Variants in DZIP1 observed in about 807,000 individuals in gnomAD.
DZIP1 encodes the protein cilium assembly protein DZIP1.
In DZIP1, 97 loss-of-function variants were observed where a neutral mutation model predicts 107.6. That is an observed-to-expected ratio of 0.90 (90% CI 0.77 to 1.07). The LOEUF is 1.07. Among genes scored for constraint, DZIP1 ranks in the 50% least tolerant of loss-of-function variants. The pLI, the probability that DZIP1 is intolerant of heterozygous loss-of-function variation, is 0.00. For synonymous variants in DZIP1, 390 were observed against 386.4 expected (o/e 1.01, Z -0.11); for missense variants, 1,035 against 1,063.6 (o/e 0.97, Z 0.37).
At chr13:95,586,482 G>C (rs1369133677) in intron 20 of DZIP1, among the ~76,000 whole-genome samples, 1 of 152,124 alleles carries the variant, frequency 6.6e-6, no homozygotes, top group Non-Finnish European at 1.5e-5. Flanking sequence ...TTACAGGTGA[G>C]AGCGACTGTG....
intron 13 of DZIP1, among the ~76,000 whole-genome samples, chr13:95,608,088 T>C (rs1316964564): frequency 6.6e-6 from 1 of 152,170 alleles, no homozygotes; most frequent in Non-Finnish European, 1.5e-5. Flanking sequence ...TCCTTTTGTA[T>C]GCTGGGAAGA....
intron 8 of DZIP1, 129 bp from the exon 9 acceptor site, chr13:95,622,609 G>A (rs1251752634): frequency 1.1e-5 from 11 of 995,544 alleles, no homozygotes; most frequent in Non-Finnish European, 1.7e-5. Context: ...GGACGCTCTT[G>A]GACGCTTCTC....
Position 95,582,039 on chromosome 13 carries a change from C to T in DZIP1, c.*195G>A, listed in dbSNP as rs1037890561. The T allele has an allele frequency of 9.2e-5, 49 of 535,126 alleles. No homozygotes were observed. The highest frequency in any genetic ancestry group is 4.8e-4 in the East Asian group (16 of 33,570). The allele number at this position is 535,126 out of a possible 1,614,324, so 33.1% of individuals were successfully genotyped here. On this transcript the variant is annotated 3_prime_UTR_variant, in exon 23 of 23. Coordinates refer to ENST00000376829, the MANE Select transcript of DZIP1 (RefSeq NM_198968.4). ...AAGTCTTAAACACCTTTACATGCTT[C>T]GAAATACTGTTGATGATCTGATTTT... is the stretch of plus-strand genomic sequence containing the variant.
chr13:95,607,871 G>A (rs895530305), intron 13 of DZIP1, among the ~76,000 whole-genome samples: 2 of 152,208 alleles, frequency 1.3e-5, no homozygotes, highest in Non-Finnish European at 2.9e-5. Flanking sequence ...GGTATAGACA[G>A]GTGGAATCAA....
intron 15 of DZIP1, among the ~76,000 whole-genome samples, chr13:95,597,144 G>A (rs2044478345): frequency 6.6e-6 from 1 of 152,196 alleles, no homozygotes; most frequent in Non-Finnish European, 1.5e-5. Context: ...TTGACTGGAA[G>A]AACTCTAAAA....
chr13:95,582,918 A>G (rs1290833282), intron 22 of DZIP1, among the ~76,000 whole-genome samples: 1 of 152,198 alleles, frequency 6.6e-6, no homozygotes, highest in Non-Finnish European at 1.5e-5. Context: ...CCCTGTAAAG[A>G]GTCACTCTAA....
intron 21 of DZIP1, among the ~76,000 whole-genome samples, chr13:95,585,116 G>C (rs1037213014): frequency 6.6e-6 from 1 of 152,022 alleles, no homozygotes; most frequent in Non-Finnish European, 1.5e-5. Context: ...TCTCTTTTTC[G>C]TTTCTGCCAT....
At chr13:95,628,639 A>G (rs1440151030) in intron 7 of DZIP1, among the ~76,000 whole-genome samples, 1 of 152,236 alleles carries the variant, frequency 6.6e-6, no homozygotes, top group Non-Finnish European at 1.5e-5. Flanking sequence ...CAAGTGTCCA[A>G]TAACAGATGA....
At position 95,611,466 on chromosome 13, in the gene DZIP1, T is replaced by G. The variant is rs756367817; in HGVS notation, c.1342A>C (p.Asn448His). 3 of 1,613,852 alleles carry G rather than the reference T, an allele frequency of 1.9e-6. No individual in the cohort carries two copies. The highest frequency in any genetic ancestry group is 2.2e-5 in the South Asian group (2 of 91,058). Reference protein sequence around the residue: ...QIKDFTCNPLNSISEPKGNPL... With the variant: ...QIKDFTCNPLHSISEPKGNPL... ...TTACCTTTGGGTTCACTGATACTGTTTAATGGATTACAGGTAAAGTCTTTA... is the reference window on the plus strand; with the variant it reads ...TTACCTTTGGGTTCACTGATACTGTGTAATGGATTACAGGTAAAGTCTTTA... Residue 448 changes from asparagine to histidine, a missense_variant, in exon 12 of 23, where the codon AAC becomes CAC. Asn to His is a moderately conservative substitution (Grantham distance 68). Transcript: ENST00000376829.
rs2043966424 is a variant in DZIP1 at position 95,578,293 on chromosome 13, G to T, written c.*3941C>A. ...AACATGAAAAGCATTTAGTACCAAAGGTTCAAGAAGTATTCGTACTCTAGC... is the reference window on the plus strand; with the variant it reads ...AACATGAAAAGCATTTAGTACCAAATGTTCAAGAAGTATTCGTACTCTAGC... On this transcript the variant is annotated 3_prime_UTR_variant, in exon 23 of 23. Transcript: ENST00000376829. 2 of 229,304 alleles carry T rather than the reference G, an allele frequency of 8.7e-6. No individual in the cohort carries two copies. Among genetic ancestry groups the T allele is most frequent in the East Asian group, 1.1e-4 (1 of 9,358 alleles). 14.2% of individuals were successfully genotyped at this position (229,304 alleles called of 1,614,324 possible). A position where few individuals can be genotyped will look rare whatever the true frequency, so the allele number is the denominator to read the frequency against.
chr13:95,592,981 T>C (rs149424459), intron 16 of DZIP1, among the ~76,000 whole-genome samples: 198 of 152,292 alleles, frequency 1.3e-3, no homozygotes, highest in Middle Eastern at 0.01. Context: ...TAGCAGAAAG[T>C]AAAAGAGAGT....
chr13:95,617,103 A>G (rs1003297786), intron 10 of DZIP1, among the ~76,000 whole-genome samples: 2 of 151,964 alleles, frequency 1.3e-5, no homozygotes, highest in African/African-American at 4.8e-5. Context: ...TCGGGAGGCT[A>G]AGGCAGGAGA....
intron 12 of DZIP1, among the ~76,000 whole-genome samples, chr13:95,610,273 C>A (rs1355872287): frequency 6.6e-6 from 1 of 151,742 alleles, no homozygotes; most frequent in Non-Finnish European, 1.5e-5. Flanking sequence ...AATAACGCAG[C>A]AAGCCTTTAT....
rs1733321702 is a variant in DZIP1, at chr13:95,619,958, A to C, written c.1111-11T>G. 1.2e-6 allele frequency: 2 copies of C among 1,612,988 alleles called. No individual in the cohort carries two copies. Among genetic ancestry groups the C allele is most frequent in the South Asian group, 2.2e-5 (2 of 91,016 alleles). On this transcript the variant is annotated splice_polypyrimidine_tract_variant and intron_variant, in intron 9 of 22. Transcript: ENST00000376829. ...TGTCCATTTGCTTTCCTACAAAAGAATAAAAGAATAATTTATGTACAACTG... is the reference window on the plus strand; with the variant it reads ...TGTCCATTTGCTTTCCTACAAAAGACTAAAAGAATAATTTATGTACAACTG...
chr13:95,619,783 C>T, intron 10 of DZIP1, 102 bp downstream of exon 10: 1 of 1,183,042 alleles, frequency 8.5e-7, no homozygotes, highest in Non-Finnish European at 1.2e-6. Flanking sequence ...CACATTTCTC[C>T]CCAAATGTTA....
chr13:95,637,524 A>G (rs984104127), intron 5 of DZIP1, among the ~76,000 whole-genome samples: 2 of 151,994 alleles, frequency 1.3e-5, no homozygotes, highest in East Asian at 1.9e-4. Context: ...AGAATATTTG[A>G]GCCTAGGAGT....
rs1313790626 is a variant in DZIP1, at chr13:95,641,870, A to G, written c.37-15T>C. Reference sequence around the variant, plus strand: ...TTCTGGAAGGGCTGCGGGGGGCACAAAGAGAGCGCGGCGGGAGGCGGGGAT... The same window carrying G: ...TTCTGGAAGGGCTGCGGGGGGCACAGAGAGAGCGCGGCGGGAGGCGGGGAT... On this transcript the variant is annotated splice_polypyrimidine_tract_variant and intron_variant, in intron 4 of 22. Coordinates refer to ENST00000376829, the MANE Select transcript of DZIP1 (RefSeq NM_198968.4). This position sits in a 1 kb window ranked among gnomAD's most constrained non-coding sequence, Gnocchi z 4.3. The G allele has an allele frequency of 4.3e-6, 6 of 1,409,228 alleles. No individual in the cohort carries two copies. The highest frequency in any genetic ancestry group is 5.5e-6 in the Non-Finnish European group (6 of 1,083,600). 87.3% of individuals were successfully genotyped at this position (1,409,228 alleles called of 1,614,324 possible). A position where few individuals can be genotyped will look rare whatever the true frequency, so the allele number is the denominator to read the frequency against.
intron 7 of DZIP1, among the ~76,000 whole-genome samples, chr13:95,625,323 A>G (rs1349523424): frequency 6.6e-6 from 1 of 152,216 alleles, no homozygotes; most frequent in African/African-American, 2.4e-5. Flanking sequence ...CCACCCCCAG[A>G]AAATACAAAT....
intron 13 of DZIP1, 21 bp from the exon 14 acceptor site, chr13:95,606,080 A>G (rs1446390099): frequency 1.2e-6 from 2 of 1,611,774 alleles, no homozygotes; most frequent in African/African-American, 1.3e-5. Flanking sequence ...ATAAAAAGGA[A>G]AAACTCAGAG....
Sources: gnomAD v4.1 joint callset for allele counts (sites outside exome capture counted in the v4.1 genomes callset) on GRCh38, gnomAD v4.1.1 for gene constraint, Gnocchi (gnomAD v3.1) non-coding constraint, MANE v1.5 for transcripts, NCBI Gene and HGNC (gene_info 2026-07-23, HGNC 2026-07-21) for gene names.